TIAM1: variants seen among roughly 807,000 people sequenced by gnomAD.
TIAM1 encodes rho guanine nucleotide exchange factor TIAM1.
In TIAM1, 65 loss-of-function variants were observed where a neutral mutation model predicts 163.5. The observed-to-expected ratio is 0.40, with a 90% CI of 0.33 to 0.49. TIAM1 has a LOEUF of 0.49. TIAM1 is among the 20% of genes least tolerant of loss of function. TIAM1 has a pLI of 0.77. For synonymous variants in TIAM1, 833 were observed against 810.1 expected, an observed-to-expected ratio of 1.03 and a Z score of -0.48; for missense variants, 1,789 against 2,044.7, an observed-to-expected ratio of 0.87 and a Z score of 2.41.
At chr21:31,467,037 T>C (rs1166403477) in intron 1 of TIAM1, among the ~76,000 whole-genome samples, 2 of 150,714 alleles carry the variant, frequency 1.3e-5, no homozygotes, top group Non-Finnish European at 2.9e-5. Flanking sequence ...ACCAGGAAGC[T>C]TGCGATCACT....
At chr21:31,465,570 ATCT>A (rs756779354) in intron 1 of TIAM1, among the ~76,000 whole-genome samples, 28 of 138,518 alleles carry the variant, frequency 2.0e-4, no homozygotes, top group Non-Finnish European at 3.2e-4. Flanking sequence ...GTGAGTAGTG[ATCT>A]TCTTTTTTTT....
chr21:31,137,370 A>G (rs985783990), intron 22 of TIAM1, among the ~76,000 whole-genome samples: 2 of 152,188 alleles, frequency 1.3e-5, no homozygotes, highest in Non-Finnish European at 2.9e-5. Context: ...TCAAGGGTTA[A>G]AATAATTTTT....
Position 31,389,619 on chromosome 21 carries a change from C to A in TIAM1, c.-368-50197G>T, listed in dbSNP as rs916874578. Among the ~76,000 whole-genome samples, 59 of 152,364 alleles carry A rather than the reference C, an allele frequency of 3.9e-4. 1 individual carries two copies. Among genetic ancestry groups the A allele is most frequent in the African/African-American group, 1.4e-3 (57 of 41,590 alleles). ...CTACAACACACTAGGCATACACAGG[C>A]TGCCCAACTACATTTATATTCATTT... On this transcript the variant is annotated intron_variant, in intron 2 of 28. Transcript: ENST00000286827.
chr21:31,172,642 T>G (rs1190804525), intron 15 of TIAM1, among the ~76,000 whole-genome samples: 4 of 152,054 alleles, frequency 2.6e-5, no homozygotes, highest in Non-Finnish European at 5.9e-5. Context: ...AGACAAAGTC[T>G]CAGGGAATGA....
chr21:31,231,002 C>T (rs1258127601), intron 6 of TIAM1, among the ~76,000 whole-genome samples: 2 of 151,842 alleles, frequency 1.3e-5, no homozygotes, highest in South Asian at 2.1e-4. Context: ...GAGAATAGAA[C>T]TTTCTGGCCC....
chr21:31,127,788 G>C (rs1265024439), intron 25 of TIAM1, among the ~76,000 whole-genome samples: 2 of 152,128 alleles, frequency 1.3e-5, no homozygotes, highest in African/African-American at 4.8e-5. Flanking sequence ...AATTGTTTTG[G>C]CAACAGTTGG....
At chr21:31,291,823 G>A (rs957223357) in intron 2 of TIAM1, among the ~76,000 whole-genome samples, 4 of 152,176 alleles carry the variant, frequency 2.6e-5, no homozygotes, top group Admixed American at 1.3e-4. Flanking sequence ...GTGCCCAGCC[G>A]AATTCCATGC....
rs957526511 is a variant in TIAM1, at chr21:31,349,621, A to T, written c.-368-10199T>A. On this transcript the variant is annotated intron_variant, in intron 2 of 28. Coordinates refer to the TIAM1 transcript ENST00000286827. ...ATATAGAATAACTAAGAAGACAAAA[A>T]GTCAAGTTCTAATTTCAGTCCTGCC... is the stretch of plus-strand genomic sequence containing the variant. 2.0e-5 allele frequency among the ~76,000 whole-genome samples: 3 copies of T among 152,356 alleles called. No homozygotes were observed. In the South Asian group the frequency reaches 6.2e-4, roughly 32 times the overall value.
At chr21:31,314,048 C>A (rs2075023293) in intron 2 of TIAM1, among the ~76,000 whole-genome samples, 1 of 152,154 alleles carries the variant, frequency 6.6e-6, no homozygotes, top group African/African-American at 2.4e-5. Flanking sequence ...CTAAGAAGAA[C>A]AATGTTTATG....
chr21:31,451,341 A>ATCATAT (rs2044831504), intron 2 of TIAM1, among the ~76,000 whole-genome samples: 1 of 152,122 alleles, frequency 6.6e-6, no homozygotes, highest in Admixed American at 6.6e-5. Context: ...GATTAATATT[A>ATCATAT]TCATATTTTT....
Position 31,223,444 on chromosome 21 carries a change from G to A in TIAM1, c.1957C>T (p.Arg653Cys), listed in dbSNP as rs748109432. The A allele has an allele frequency of 1.4e-5, 22 of 1,613,560 alleles. No individual in the cohort carries two copies. The highest frequency in any genetic ancestry group is 1.8e-5 in the Non-Finnish European group (21 of 1,179,724). ...GATGATACCGAAAAGATTCCAAGGC[G>A]GCCCATGGCCACTTTCGTTGGTCGA... Reference protein sequence around the residue: ...ASRPTKVAMGRLGIFSVSSFH... With the variant: ...ASRPTKVAMGCLGIFSVSSFH... The change falls in exon 8 of 28, where the codon CGC (arginine) becomes TGC (cysteine). Residue 653 changes from arginine (R) to cysteine (C), a missense_variant. Physicochemically the swap from Arg to Cys is radical, Grantham distance 180 (BLOSUM62 -3). Around this residue, in one of 5 missense-constraint regions of TIAM1, gnomAD observed 456 missense variants for 586.6 expected, o/e 0.78. Transcript: ENST00000541036.
At chr21:31,351,013 T>C (rs1051385935) in intron 2 of TIAM1, among the ~76,000 whole-genome samples, 9 of 152,232 alleles carry the variant, frequency 5.9e-5, no homozygotes, top group Admixed American at 5.2e-4. Flanking sequence ...TCCACTTGTC[T>C]TGTGTTCCCT....
chr21:31,321,762 T>C (rs2075323714), intron 2 of TIAM1, among the ~76,000 whole-genome samples: 1 of 151,546 alleles, frequency 6.6e-6, no homozygotes, highest in South Asian at 2.1e-4. Context: ...TTGACAGCCT[T>C]CAAAAACCAT....
chr21:31,478,139 C>CT (rs1215764964), intron 1 of TIAM1, among the ~76,000 whole-genome samples: 3 of 152,178 alleles, frequency 2.0e-5, no homozygotes, highest in African/African-American at 7.2e-5. Flanking sequence ...GTGTGAACAG[C>CT]TATGCAATTT....
Position 31,219,999 on chromosome 21 carries a change from A to G in TIAM1, c.1996-2300T>C, listed in dbSNP as rs115133890. 8.3e-3 allele frequency among the ~76,000 whole-genome samples: 1,258 copies of G among 152,376 alleles called. 24 individuals are homozygous for G. Among genetic ancestry groups the G allele is most frequent in the African/African-American group, 0.029 (1,189 of 41,584 alleles). ...CAGACATGCATATGCTCACATGACTATGTCAACACTGAATAAATGGTGTTA... is the reference window on the plus strand; with the variant it reads ...CAGACATGCATATGCTCACATGACTGTGTCAACACTGAATAAATGGTGTTA... On this transcript the variant is annotated intron_variant, in intron 8 of 27. Coordinates refer to ENST00000541036, the MANE Select transcript of TIAM1 (RefSeq NM_001353694.2).
intron 2 of TIAM1, among the ~76,000 whole-genome samples, chr21:31,396,373 G>A (rs1032996056): frequency 6.6e-6 from 1 of 151,928 alleles, no homozygotes; most frequent in African/African-American, 2.4e-5. Context: ...TTTCCACGGG[G>A]TCTCTCCCTC....
chr21:31,133,055 C>T (rs1277824475), intron 23 of TIAM1, among the ~76,000 whole-genome samples: 1 of 152,206 alleles, frequency 6.6e-6, no homozygotes, highest in East Asian at 1.9e-4. Flanking sequence ...AAGACAACCA[C>T]ATTTTAACCC....
intron 3 of TIAM1, among the ~76,000 whole-genome samples, chr21:31,267,334 C>G (rs972572914): frequency 6.6e-6 from 1 of 152,172 alleles, no homozygotes; most frequent in East Asian, 1.9e-4. Flanking sequence ...CCTTGTCTTC[C>G]TTACTAAACA....
At chr21:31,227,874 A>G (rs1185531373) in intron 6 of TIAM1, among the ~76,000 whole-genome samples, 1 of 152,086 alleles carries the variant, frequency 6.6e-6, no homozygotes, top group Non-Finnish European at 1.5e-5. Context: ...AGTGCCTCAC[A>G]ATAAATGGGT....
Sources: allele counts gnomAD v4.1 joint callset (sites outside exome capture counted in the v4.1 genomes callset), GRCh38; gene constraint gnomAD v4.1.1; regional missense constraint gnomAD v4.1.1; transcripts MANE v1.5; gene names NCBI Gene and HGNC (gene_info 2026-07-23, HGNC 2026-07-21).